Variants in OSGIN2 observed in about 807,000 individuals in gnomAD.
OSGIN2 encodes the protein oxidative stress-induced growth inhibitor 2.
In OSGIN2, 19 loss-of-function variants were observed where a neutral mutation model predicts 53.8. The observed-to-expected ratio is 0.35, with a 90% confidence interval of 0.25 to 0.52. OSGIN2 has a LOEUF of 0.52. Ranked by LOEUF, OSGIN2 falls within the 20% of genes least tolerant of loss-of-function variation. OSGIN2 has a pLI of 0.95. For synonymous variants in OSGIN2, 236 were observed against 236.0 expected, an observed-to-expected ratio of 1.00 and a Z score of 0.00; for missense variants, 520 against 662.7, an observed-to-expected ratio of 0.78 and a Z score of 2.36.
Position 89,914,146 on chromosome 8 carries a change from C to G in OSGIN2, c.269C>G (p.Ala90Gly). 6.3e-7 allele frequency: 1 copy of G among 1,596,828 alleles called. No individual in the cohort carries two copies. Among genetic ancestry groups the G allele is most frequent in the Non-Finnish European group, 8.6e-7 (1 of 1,164,712 alleles). ...TACAGACCGTATTTATCATCAGAAG[C>G]AATACACCCAAATACAATCTTAAAT... ...SGYRPYLSSEAIHPNTILNSK... is the reference protein window; with the variant it reads ...SGYRPYLSSEGIHPNTILNSK... The change falls in exon 3 of 6, where the codon GCA (alanine) becomes GGA (glycine). Residue 90 changes from alanine (A) to glycine (G), a missense_variant. This residue lies in a region of OSGIN2 where 203 missense variants were observed against 275.3 expected (regional missense o/e 0.74). Coordinates refer to ENST00000451899, the MANE Select transcript of OSGIN2 (RefSeq NM_001126111.3).
chr8:89,914,248 T>C (rs757497309), intron 3 of OSGIN2, 35 bp downstream of exon 3: 2 of 1,500,306 alleles, frequency 1.3e-6, no homozygotes, highest in South Asian at 2.4e-5. Context: ...AAAAAATTTT[T>C]TTATGCTGAA....
chr8:89,903,004 G>T (rs1010444592), intron 1 of OSGIN2, among the ~76,000 whole-genome samples, 167 bp downstream of exon 1: 6 of 152,166 alleles, frequency 3.9e-5, no homozygotes, highest in Non-Finnish European at 1.5e-5. Context: ...GGTGCGGTGT[G>T]GTGGGGTCCT....
chr8:89,902,381 CCT>C (rs1270906326), upstream of OSGIN2, among the ~76,000 whole-genome samples: 1 of 152,108 alleles, frequency 6.6e-6, no homozygotes, highest in Non-Finnish European at 1.5e-5. Context: ...TGCCTGCAGA[CCT>C]CGGTCCCCTG....
At position 89,925,895 on chromosome 8, in the gene OSGIN2, A is replaced by G. The variant is rs912023689; in HGVS notation, c.*363A>G. 1 of 184,702 alleles carries G rather than the reference A, an allele frequency of 5.4e-6. No individual in the cohort carries two copies. Among genetic ancestry groups the G allele is most frequent in the Non-Finnish European group, 1.2e-5 (1 of 86,248 alleles). The allele number at this position is 184,702 out of a possible 1,614,324, so 11.4% of individuals were successfully genotyped here. A position where few individuals can be genotyped will look rare whatever the true frequency, so the allele number is the denominator to read the frequency against. On this transcript the variant is annotated 3_prime_UTR_variant, in exon 6 of 6. Coordinates refer to ENST00000451899, the MANE Select transcript of OSGIN2 (RefSeq NM_001126111.3). ...AAAACTGTGCAGTCATTATGCCAGAAATTATCTTAAATATATAATGGGTCA... is the reference window on the plus strand; with the variant it reads ...AAAACTGTGCAGTCATTATGCCAGAGATTATCTTAAATATATAATGGGTCA...
intron 1 of OSGIN2, among the ~76,000 whole-genome samples, chr8:89,906,087 TTTTTC>T (rs1310700525): frequency 3.9e-5 from 6 of 152,218 alleles, no homozygotes; most frequent in Non-Finnish European, 8.8e-5. Flanking sequence ...AATATTCTGT[TTTTTC>T]TTTTAAGTAC....
chr8:89,910,155 T>A (rs1808938950), intron 2 of OSGIN2, among the ~76,000 whole-genome samples: 1 of 152,208 alleles, frequency 6.6e-6, no homozygotes, highest in Non-Finnish European at 1.5e-5. Flanking sequence ...CGGTGCTGTA[T>A]TAGCAATGAC....
rs1468979918 is a variant in OSGIN2 at position 89,926,704 on chromosome 8, G to A, written c.*1172G>A. The A allele has an allele frequency of 6.6e-6, 1 of 152,072 alleles. No individual in the cohort carries two copies. The highest frequency in any genetic ancestry group is 2.4e-5 in the African/African-American group (1 of 41,432). 9.4% of individuals were successfully genotyped at this position (152,072 alleles called of 1,614,324 possible). The stretch of plus-strand genomic sequence containing the variant: ...CTGCTAGAATTTTTAATGTTAAGAC[G>A]AAAACATCTGAAGTTCTCCATGGCA... On this transcript the variant is annotated 3_prime_UTR_variant, in exon 6 of 6. Transcript: ENST00000451899.
rs1290129734 is a variant in OSGIN2, at chr8:89,902,785, C to T, written c.-9C>T. On this transcript the variant is annotated 5_prime_UTR_variant, in exon 1 of 6. Transcript: ENST00000451899. ...CGGCCGCGCTCGGGCGCCCCTCGCGCAGCGCTCCATGCCCGTGTGGTGCTG... is the reference window on the plus strand; with the variant it reads ...CGGCCGCGCTCGGGCGCCCCTCGCGTAGCGCTCCATGCCCGTGTGGTGCTG... 3.2e-6 allele frequency: 4 copies of T among 1,255,328 alleles called. No homozygotes were observed. In the African/African-American group the frequency reaches 4.7e-5, roughly 15 times the overall value. The allele number at this position is 1,255,328 out of a possible 1,614,324, so 77.8% of individuals were successfully genotyped here.
chr8:89,904,668 T>G (rs1808797866), intron 1 of OSGIN2, among the ~76,000 whole-genome samples: 2 of 152,124 alleles, frequency 1.3e-5, no homozygotes, highest in Admixed American at 1.3e-4. Context: ...ACTCAAAAAT[T>G]AGCCGGGCAG....
rs1385788768 is a variant in OSGIN2 at position 89,914,843 on chromosome 8, G to A, written c.528+97G>A. On this transcript the variant is annotated intron_variant, in intron 4 of 5. Coordinates refer to ENST00000451899, the MANE Select transcript of OSGIN2 (RefSeq NM_001126111.3). ...GCATTATGATAATGTTATATGTGAT[G>A]TTTATCACATTTTTATTTGAGAAGA... The A allele has an allele frequency of 1.1e-5, 9 of 835,888 alleles. No homozygotes were observed. In the African/African-American group the frequency reaches 1.2e-4, roughly 11 times the overall value. The allele number at this position is 835,888 out of a possible 1,614,324, so 51.8% of individuals were successfully genotyped here. A position where few individuals can be genotyped will look rare whatever the true frequency, so the allele number is the denominator to read the frequency against.
At position 89,902,849 on chromosome 8, in the gene OSGIN2, G is replaced by C; in HGVS notation, c.44+12G>C. ...GCCGGTCATTTCAGGTGACTTCCTC[G>C]CCGGGGATGGGAGGGGAGCAGGCGG... is the stretch of plus-strand genomic sequence containing the variant. On this transcript the variant is annotated intron_variant, in intron 1 of 5. Coordinates refer to ENST00000451899, the MANE Select transcript of OSGIN2 (RefSeq NM_001126111.3). The C allele has an allele frequency of 7.3e-7, 1 of 1,376,646 alleles. No homozygotes were observed. Among genetic ancestry groups the C allele is most frequent in the Non-Finnish European group, 9.6e-7 (1 of 1,044,608 alleles). The allele number at this position is 1,376,646 out of a possible 1,614,324, so 85.3% of individuals were successfully genotyped here.
At chr8:89,917,034 T>C (rs1809094321) in intron 4 of OSGIN2, among the ~76,000 whole-genome samples, 1 of 152,214 alleles carries the variant, frequency 6.6e-6, no homozygotes, top group Admixed American at 6.5e-5. Flanking sequence ...CATTCCAGAC[T>C]GTCTCCAGTT....
Position 89,903,712 on chromosome 8 carries a change from A to G in OSGIN2, c.44+875A>G, listed in dbSNP as rs150900942. Among the ~76,000 whole-genome samples the G allele has an allele frequency of 7.5e-3, 1,138 of 152,358 alleles. 11 individuals carry two copies. Among genetic ancestry groups the G allele is most frequent in the Middle Eastern group, 0.017 (5 of 294 alleles). On this transcript the variant is annotated intron_variant, in intron 1 of 5. Coordinates refer to ENST00000451899, the MANE Select transcript of OSGIN2 (RefSeq NM_001126111.3). Reference sequence around the variant, plus strand: ...TTAAAAACTAATATTCAGTTAAAATATAAGCAACAAATCACAGTAGTATCT... The same window carrying G: ...TTAAAAACTAATATTCAGTTAAAATGTAAGCAACAAATCACAGTAGTATCT...
intron 4 of OSGIN2, among the ~76,000 whole-genome samples, chr8:89,917,652 C>T (rs1382220340): frequency 6.6e-6 from 1 of 152,040 alleles, no homozygotes; most frequent in Non-Finnish European, 1.5e-5. Flanking sequence ...ACCTTTATCT[C>T]TTTTTTTTCT....
chr8:89,925,853 T>A lies in OSGIN2; in HGVS notation c.*321T>A, dbSNP rs10504884. The A allele has an allele frequency of 0.036, 9,025 of 252,066 alleles. 406 individuals are homozygous for A. The highest frequency in any genetic ancestry group is 0.17 in the East Asian group (1,914 of 11,546). 15.6% of individuals were successfully genotyped at this position (252,066 alleles called of 1,614,324 possible). On this transcript the variant is annotated 3_prime_UTR_variant, in exon 6 of 6. Transcript: ENST00000451899. ...TTTATTATACTTGATTCCAAAATAG[T>A]ACAGCCTTGAATCTATAAAACTGTG...
chr8:89,921,927 C>T (rs1001436588), intron 5 of OSGIN2, among the ~76,000 whole-genome samples: 11 of 151,530 alleles, frequency 7.3e-5, no homozygotes, highest in Non-Finnish European at 1.5e-4. Context: ...TGCAGTGAGC[C>T]GAAATCGCGC....
intron 1 of OSGIN2, among the ~76,000 whole-genome samples, chr8:89,907,500 C>A (rs933352424): frequency 6.6e-6 from 1 of 152,146 alleles, no homozygotes; most frequent in African/African-American, 2.4e-5. Context: ...GTTATCCCAG[C>A]ACTATTTATT....
chr8:89,912,129 T>A (rs894840919), intron 2 of OSGIN2, among the ~76,000 whole-genome samples: 1 of 152,200 alleles, frequency 6.6e-6, no homozygotes. Context: ...AGGAACAGGA[T>A]TTTTTCTTTG....
At chr8:89,921,518 A>C (rs1447732083) in intron 5 of OSGIN2, among the ~76,000 whole-genome samples, 1 of 152,204 alleles carries the variant, frequency 6.6e-6, no homozygotes. Flanking sequence ...AACTTTATCT[A>C]TGCATATCTC....
Sources: allele counts gnomAD v4.1 joint callset (sites outside exome capture counted in the v4.1 genomes callset), GRCh38; gene constraint gnomAD v4.1.1; regional missense constraint gnomAD v4.1.1; transcripts MANE v1.5; gene names NCBI Gene and HGNC (gene_info 2026-07-23, HGNC 2026-07-21).